The following CRACD variants were observed in gnomAD, a reference collection of about 807,000 sequenced individuals.
The protein encoded by CRACD is capping protein inhibiting regulator of actin dynamics.
In CRACD, 56 loss-of-function variants were observed where a neutral mutation model predicts 106.8. That is an observed-to-expected ratio of 0.52 (90% CI 0.42 to 0.66). The LOEUF is 0.66. Ranked by LOEUF, CRACD falls within the 30% of genes least tolerant of loss-of-function variation. The pLI is 0.00. For missense variants in CRACD, 1,730 were observed against 1,623.2 expected (o/e 1.07, Z -1.13); for synonymous variants, 754 against 670.8 (o/e 1.12, Z -1.92).
At chr4:56,205,919 T>C (rs1255635558) in intron 2 of CRACD, among the ~76,000 whole-genome samples, 1 of 152,258 alleles carries the variant, frequency 6.6e-6, no homozygotes, top group Non-Finnish European at 1.5e-5. Flanking sequence ...AGAGATATTC[T>C]GTGTGAACAG....
intron 1 of CRACD, among the ~76,000 whole-genome samples, chr4:56,151,039 C>T (rs891910707): frequency 4.6e-5 from 7 of 152,116 alleles, no homozygotes; most frequent in Non-Finnish European, 1.0e-4. Context: ...CTCTGTTGTC[C>T]AGGCTGGACT....
chr4:56,286,643 A>G (rs1210193867), intron 3 of CRACD, among the ~76,000 whole-genome samples: 1 of 152,092 alleles, frequency 6.6e-6, no homozygotes, highest in Non-Finnish European at 1.5e-5. Context: ...GTGGAGGTAA[A>G]ACCAGGGCAA....
intron 2 of CRACD, among the ~76,000 whole-genome samples, chr4:56,258,846 T>C (rs1257151733): frequency 1.3e-5 from 2 of 152,200 alleles, no homozygotes; most frequent in Non-Finnish European, 2.9e-5. Context: ...GGTATGTGGA[T>C]AGATCTCTCT....
chr4:56,200,624 C>A (rs143846910), intron 2 of CRACD, among the ~76,000 whole-genome samples: 1 of 152,284 alleles, frequency 6.6e-6, no homozygotes, highest in East Asian at 1.9e-4. Flanking sequence ...ATATATTCTA[C>A]TACCTTCCAG....
intron 1 of CRACD, among the ~76,000 whole-genome samples, chr4:56,142,416 G>T (rs1336028501): frequency 6.6e-6 from 1 of 152,062 alleles, no homozygotes; most frequent in Non-Finnish European, 1.5e-5. Flanking sequence ...GTGCCTTTTT[G>T]TACTGTCCGC....
intron 4 of CRACD, among the ~76,000 whole-genome samples, chr4:56,302,211 T>C (rs1007375785): frequency 6.6e-6 from 1 of 152,220 alleles, no homozygotes; most frequent in Non-Finnish European, 1.5e-5. Context: ...TGCTGTAGCA[T>C]GGAGCGGCTT....
At chr4:56,090,586 G>T (rs1733394701) in intron 1 of CRACD, among the ~76,000 whole-genome samples, 1 of 152,108 alleles carries the variant, frequency 6.6e-6, no homozygotes, top group Admixed American at 6.6e-5. Context: ...GTAGAGACAA[G>T]GTTTTGCCAT....
chr4:56,296,676 G>A (rs963830210), intron 3 of CRACD, among the ~76,000 whole-genome samples: 1 of 152,138 alleles, frequency 6.6e-6, no homozygotes, highest in African/African-American at 2.4e-5. Flanking sequence ...CCTTTCTGGG[G>A]AGGGGAAGGA....
intron 1 of CRACD, among the ~76,000 whole-genome samples, chr4:56,117,694 G>A (rs1437430658): frequency 3.9e-5 from 6 of 152,140 alleles, no homozygotes; most frequent in South Asian, 4.1e-4. Context: ...TATTTTAAGG[G>A]TATTTTAACA....
chr4:56,056,608 AC>A (rs1157964053), intron 1 of CRACD, among the ~76,000 whole-genome samples: 3 of 151,132 alleles, frequency 2.0e-5, no homozygotes, highest in Non-Finnish European at 4.4e-5. Context: ...CAAAAAAAAA[AC>A]AAACAAAAAA....
intron 1 of CRACD, among the ~76,000 whole-genome samples, chr4:56,051,078 A>C (rs1329658201): frequency 6.6e-6 from 1 of 152,240 alleles, no homozygotes; most frequent in Non-Finnish European, 1.5e-5. Context: ...ACCCAATTTC[A>C]GACCAATTAA....
At chr4:56,060,502 T>A (rs1732234796) in intron 1 of CRACD, among the ~76,000 whole-genome samples, 1 of 151,960 alleles carries the variant, frequency 6.6e-6, no homozygotes, top group Admixed American at 6.6e-5. Context: ...TGGAAAGTTA[T>A]TCCAAAGGTA....
At chr4:56,050,839 C>A (rs1167528943) in intron 1 of CRACD, among the ~76,000 whole-genome samples, 1 of 152,154 alleles carries the variant, frequency 6.6e-6, no homozygotes, top group Admixed American at 6.5e-5. Context: ...ATTTTACAGT[C>A]ATCTCTAACA....
At chr4:56,121,288 C>A (rs1412065783) in intron 1 of CRACD, among the ~76,000 whole-genome samples, 1 of 152,206 alleles carries the variant, frequency 6.6e-6, no homozygotes, top group African/African-American at 2.4e-5. Flanking sequence ...CTGCGCCTTA[C>A]ATTTTGCAAT....
At chr4:56,170,471 A>G (rs1736320240) in intron 1 of CRACD, among the ~76,000 whole-genome samples, 1 of 152,076 alleles carries the variant, frequency 6.6e-6, no homozygotes, top group African/African-American at 2.4e-5. Context: ...TACTTTTGGT[A>G]TTGGGTATAG....
At chr4:56,147,878 A>T (rs966323905) in intron 1 of CRACD, among the ~76,000 whole-genome samples, 5 of 152,176 alleles carry the variant, frequency 3.3e-5, no homozygotes, top group African/African-American at 1.2e-4. Context: ...TAAAGCCCTA[A>T]TTGCTAACAT....
chr4:56,268,152 T>A (rs942832896), intron 2 of CRACD, among the ~76,000 whole-genome samples: 1 of 152,258 alleles, frequency 6.6e-6, no homozygotes, highest in East Asian at 1.9e-4. Flanking sequence ...TACCTGTTGG[T>A]TAAATAGATG....
chr4:56,225,826 C>A (rs1279288470), intron 2 of CRACD, among the ~76,000 whole-genome samples: 2 of 152,168 alleles, frequency 1.3e-5, no homozygotes, highest in African/African-American at 2.4e-5. Flanking sequence ...ATAACATTAG[C>A]TGTGAAATAA....
chr4:56,066,237 G>C (rs941573828), intron 1 of CRACD, among the ~76,000 whole-genome samples: 11 of 152,116 alleles, frequency 7.2e-5, no homozygotes, highest in African/African-American at 2.7e-4. Flanking sequence ...CCACTGCGTT[G>C]GTTAGTTTTG....
Sources: gnomAD v4.1 joint callset for allele counts (sites outside exome capture counted in the v4.1 genomes callset) on GRCh38, gnomAD v4.1.1 for gene constraint, MANE v1.5 for transcripts, NCBI Gene and HGNC (gene_info 2026-07-23, HGNC 2026-07-21) for gene names.